Variants in ATF7IP2 observed in about 807,000 individuals in gnomAD.
The protein encoded by ATF7IP2 is activating transcription factor 7-interacting protein 2.
In ATF7IP2, 42 loss-of-function variants were observed where a neutral mutation model predicts 64.2. The observed-to-expected ratio is 0.65, with a 90% confidence interval of 0.51 to 0.85. The LOEUF (loss-of-function observed/expected upper bound fraction) is 0.85. Among genes scored for constraint, ATF7IP2 ranks in the 40% least tolerant of loss-of-function variants. The pLI, the probability that ATF7IP2 is intolerant of heterozygous loss-of-function variation, is 0.00. For missense variants in ATF7IP2, 933 were observed against 784.2 expected, an observed-to-expected ratio of 1.19 and a Z score of -2.27; for synonymous variants, 308 against 272.8, an observed-to-expected ratio of 1.13 and a Z score of -1.27.
At chr16:10,425,352 G>T (rs1040446811) in intron 3 of ATF7IP2, among the ~76,000 whole-genome samples, 4 of 151,196 alleles carry the variant, frequency 2.6e-5, no homozygotes, top group African/African-American at 9.7e-5. Context: ...TTACACAGGC[G>T]TGAGCCACTG....
chr16:10,426,126 A>T (rs2048081825), intron 3 of ATF7IP2, among the ~76,000 whole-genome samples: 1 of 152,218 alleles, frequency 6.6e-6, no homozygotes. Flanking sequence ...ATTATAAATG[A>T]CTTGAGAAAA....
chr16:10,476,499 T>TG (rs533120732), intron 12 of ATF7IP2, among the ~76,000 whole-genome samples: 16,632 of 151,576 alleles, frequency 0.11, 2,014 homozygotes, highest in African/African-American at 0.3. Flanking sequence ...TGTGTGTGTG[T>TG]TTTTTTTTAA....
intron 1 of ATF7IP2, among the ~76,000 whole-genome samples, chr16:10,388,409 G>A (rs1339728838): frequency 1.3e-5 from 2 of 152,146 alleles, no homozygotes; most frequent in African/African-American, 2.4e-5. Context: ...ACTGAAGTTA[G>A]CCATGAATTA....
At chr16:10,436,974 T>C (rs2048440473) in intron 6 of ATF7IP2, among the ~76,000 whole-genome samples, 1 of 152,056 alleles carries the variant, frequency 6.6e-6, no homozygotes, top group Non-Finnish European at 1.5e-5. Flanking sequence ...GCATGCATTA[T>C]GGCAGATAAC....
rs1022039226 is a variant in ATF7IP2, at chr16:10,459,942, A to G, written c.1352+2413A>G. On this transcript the variant is annotated intron_variant, in intron 9 of 13. Transcript: ENST00000562102. ...TTAGCTAATGCAAGAATGCCAAAAA[A>G]TCGGGGGAAAAGGAAAAATACAAAG... is the stretch of plus-strand genomic sequence containing the variant. Among the ~76,000 whole-genome samples, 4 of 152,186 alleles carry G rather than the reference A, an allele frequency of 2.6e-5. No homozygotes were observed. In the South Asian group the frequency reaches 6.2e-4, roughly 24 times the overall value.
At chr16:10,424,815 T>A (rs2048051732) in intron 3 of ATF7IP2, among the ~76,000 whole-genome samples, 1 of 152,200 alleles carries the variant, frequency 6.6e-6, no homozygotes, top group African/African-American at 2.4e-5. Context: ...ACAGGATGAC[T>A]ATACTAAGAC....
intron 1 of ATF7IP2, among the ~76,000 whole-genome samples, chr16:10,390,120 T>G (rs1431376328): frequency 6.6e-6 from 1 of 152,214 alleles, no homozygotes. Flanking sequence ...TTAATGAGAA[T>G]TGTTCTTATT....
chr16:10,440,694 CT>C (rs1246574087), intron 8 of ATF7IP2, among the ~76,000 whole-genome samples: 1 of 152,188 alleles, frequency 6.6e-6, no homozygotes, highest in Non-Finnish European at 1.5e-5. Context: ...CCAAGATTGG[CT>C]TCCCCCACCC....
chr16:10,422,451 A>G (rs2048004755), intron 3 of ATF7IP2, among the ~76,000 whole-genome samples: 1 of 152,192 alleles, frequency 6.6e-6, no homozygotes, highest in Non-Finnish European at 1.5e-5. Flanking sequence ...CATTGTTGTA[A>G]TAAATCTCTC....
chr16:10,395,223 G>C (rs925267612), intron 1 of ATF7IP2, among the ~76,000 whole-genome samples: 24 of 151,940 alleles, frequency 1.6e-4, no homozygotes, highest in African/African-American at 5.8e-4. Context: ...CCATTTAATA[G>C]ATGAAACAGA....
intron 8 of ATF7IP2, among the ~76,000 whole-genome samples, chr16:10,444,103 G>C (rs1200070825): frequency 6.6e-6 from 1 of 152,202 alleles, no homozygotes; most frequent in Non-Finnish European, 1.5e-5. Context: ...CTTTGGGTTT[G>C]TAGGTCCCCA....
intron 8 of ATF7IP2, among the ~76,000 whole-genome samples, chr16:10,453,053 T>C (rs1398329185): frequency 6.6e-6 from 1 of 152,136 alleles, no homozygotes; most frequent in Non-Finnish European, 1.5e-5. Flanking sequence ...GCCAGAACAC[T>C]TGGCTCCCTG....
chr16:10,416,473 G>A (rs2047880611), intron 2 of ATF7IP2, among the ~76,000 whole-genome samples: 1 of 152,138 alleles, frequency 6.6e-6, no homozygotes, highest in Non-Finnish European at 1.5e-5. Context: ...GGGGAAGAAG[G>A]TGGGGGTGGT....
intron 11 of ATF7IP2, 125 bp downstream of exon 11, chr16:10,473,659 T>G: frequency 1.4e-6 from 1 of 724,054 alleles, no homozygotes. Flanking sequence ...AGCAGACAGC[T>G]AATGATAAGC....
intron 1 of ATF7IP2, among the ~76,000 whole-genome samples, chr16:10,408,371 G>C (rs759617874): frequency 3.9e-5 from 6 of 152,138 alleles, no homozygotes; most frequent in African/African-American, 1.2e-4. Context: ...TGGGATTGCC[G>C]GGTCAAATGG....
chr16:10,416,245 T>G (rs1252640450), intron 2 of ATF7IP2, among the ~76,000 whole-genome samples: 1 of 152,190 alleles, frequency 6.6e-6, no homozygotes, highest in Non-Finnish European at 1.5e-5. Flanking sequence ...GTGGTACATA[T>G]ACACAATAGA....
chr16:10,470,183 A>T (rs929631797), intron 9 of ATF7IP2, among the ~76,000 whole-genome samples: 1 of 152,210 alleles, frequency 6.6e-6, no homozygotes, highest in African/African-American at 2.4e-5. Flanking sequence ...ATATAGAAAC[A>T]CTACATCCTA....
intron 8 of ATF7IP2, among the ~76,000 whole-genome samples, chr16:10,441,389 A>G (rs541599341): frequency 2.6e-5 from 4 of 152,218 alleles, no homozygotes; most frequent in African/African-American, 9.6e-5. Flanking sequence ...AAGCATTCCT[A>G]TTTCTGCACA....
intron 1 of ATF7IP2, among the ~76,000 whole-genome samples, chr16:10,391,943 C>A (rs1342342916): frequency 1.3e-5 from 2 of 149,112 alleles, no homozygotes; most frequent in African/African-American, 2.5e-5. Context: ...ATTACACATA[C>A]AATTAGAGAA....
Sources: gnomAD v4.1 joint callset for allele counts (sites outside exome capture counted in the v4.1 genomes callset) on GRCh38, gnomAD v4.1.1 for gene constraint, MANE v1.5 for transcripts, NCBI Gene and HGNC (gene_info 2026-07-23, HGNC 2026-07-21) for gene names.